KSR2: variants seen among roughly 807,000 people sequenced by gnomAD.
KSR2 encodes the protein kinase suppressor of ras 2.
Under a neutral mutation model 107.8 loss-of-function variants are expected in KSR2, and 25 were observed. That is an observed-to-expected ratio of 0.23 (90% CI 0.17 to 0.32). KSR2 has a LOEUF of 0.32. KSR2 is among the 10% of genes least tolerant of loss of function. The pLI is 1.00. For synonymous variants in KSR2, 480 were observed against 507.0 expected, an observed-to-expected ratio of 0.95 and a Z score of 0.71; for missense variants, 887 against 1,268.9, an observed-to-expected ratio of 0.70 and a Z score of 4.57.
chr12:117,832,663 C>T (rs1168758611), intron 3 of KSR2, among the ~76,000 whole-genome samples: 4 of 152,192 alleles, frequency 2.6e-5, no homozygotes, highest in Non-Finnish European at 5.9e-5. Context: ...TCCAATCTGC[C>T]CTTTCCAGAG....
chr12:117,816,541 AGTC>A (rs1217191503), intron 3 of KSR2, among the ~76,000 whole-genome samples: 1 of 152,210 alleles, frequency 6.6e-6, no homozygotes, highest in Non-Finnish European at 1.5e-5. Context: ...GTCTTTTCTT[AGTC>A]ATCATAGAAC....
chr12:117,572,867 T>A (rs1170897039), intron 7 of KSR2, among the ~76,000 whole-genome samples: 1 of 152,112 alleles, frequency 6.6e-6, no homozygotes, highest in Non-Finnish European at 1.5e-5. Context: ...CAGAAATTTG[T>A]GGAAGGACCC....
intron 1 of KSR2, among the ~76,000 whole-genome samples, chr12:117,964,982 G>A (rs901833194): frequency 1.3e-5 from 2 of 152,196 alleles, no homozygotes; most frequent in Non-Finnish European, 2.9e-5. Context: ...GCATGGAGTG[G>A]CAACATGTCA....
chr12:117,882,827 AT>A (rs1255884686), intron 1 of KSR2, among the ~76,000 whole-genome samples: 7 of 151,742 alleles, frequency 4.6e-5, no homozygotes, highest in African/African-American at 1.5e-4. Flanking sequence ...CCATCCATCT[AT>A]TCATTTATTC....
In KSR2 at chr12:117,963,365, C is replaced by A. The variant is rs1198551249; in HGVS notation, c.180+4711G>T. Reference sequence around the variant, plus strand: ...CCAGCCCCTGCCGTAGGCTGCCATCCAAGGCAGGCGAATCACTTGAGCCCA... The same window carrying A: ...CCAGCCCCTGCCGTAGGCTGCCATCAAAGGCAGGCGAATCACTTGAGCCCA... On this transcript the variant is annotated intron_variant, in intron 1 of 19. Coordinates refer to ENST00000339824, the MANE Select transcript of KSR2 (RefSeq NM_173598.6). Among the ~76,000 whole-genome samples, 7 of 152,122 alleles carry A rather than the reference C, an allele frequency of 4.6e-5. No individual in the cohort carries two copies. The East Asian group carries it at 1.4e-3, about 29-fold the overall frequency.
chr12:117,697,373 G>GT (rs1225161000), intron 4 of KSR2, among the ~76,000 whole-genome samples: 3 of 152,176 alleles, frequency 2.0e-5, no homozygotes, highest in Admixed American at 6.5e-5. Flanking sequence ...GGTTACAGAG[G>GT]TATGTTTATT....
intron 4 of KSR2, among the ~76,000 whole-genome samples, chr12:117,671,087 C>A (rs1297766294): frequency 2.6e-5 from 4 of 152,186 alleles, no homozygotes; most frequent in African/African-American, 7.2e-5. Flanking sequence ...GGCCTTCTCA[C>A]TCTTTGTATA....
intron 1 of KSR2, among the ~76,000 whole-genome samples, chr12:117,950,266 G>A (rs1896320766): frequency 6.6e-6 from 1 of 152,056 alleles, no homozygotes; most frequent in African/African-American, 2.4e-5. Context: ...GAGCTACTGC[G>A]CCTGGCCTGC....
rs35125662 is a variant in KSR2 at position 117,943,500 on chromosome 12, CAAAAAAAAAAAAAAA to C, written c.180+24561_180+24575del. On this transcript the variant is annotated intron_variant, in intron 1 of 19. Coordinates refer to ENST00000339824, the MANE Select transcript of KSR2 (RefSeq NM_173598.6). Reference sequence around the variant, plus strand: ...CCTTATGTGTCCTTATCCACCTAGCCAAAAAAAAAAAAAAAAAAAAAAAAAAACCTCATAGCAGAA... The same window carrying C: ...CCTTATGTGTCCTTATCCACCTAGCCAAAAAAAAAAAACCTCATAGCAGAA... 1.2e-3 allele frequency among the ~76,000 whole-genome samples: 62 copies of C among 52,948 alleles called. 1 individual carries two copies. Among genetic ancestry groups the C allele is most frequent in the Admixed American group, 4.0e-3 (16 of 4,014 alleles). The allele number at this position is 52,948 out of a possible 152,430, so 34.7% of individuals were successfully genotyped here. A position where few individuals can be genotyped will look rare whatever the true frequency, so the allele number is the denominator to read the frequency against.
chr12:117,951,714 G>C (rs1896369369), intron 1 of KSR2, among the ~76,000 whole-genome samples: 2 of 152,264 alleles, frequency 1.3e-5, no homozygotes, highest in East Asian at 1.9e-4. Context: ...CTACCTGCTA[G>C]GTTCCAGATC....
chr12:117,811,664 T>C (rs753813449), intron 3 of KSR2, among the ~76,000 whole-genome samples: 2 of 152,120 alleles, frequency 1.3e-5, no homozygotes, highest in Admixed American at 1.3e-4. Flanking sequence ...TGTAAGAAAT[T>C]AGTGAGATAA....
intron 1 of KSR2, among the ~76,000 whole-genome samples, chr12:117,867,232 C>T (rs961679308): frequency 6.6e-6 from 1 of 152,168 alleles, no homozygotes; most frequent in East Asian, 1.9e-4. Context: ...GGGAGGATGG[C>T]TTGAGCCTGG....
At position 117,911,184 on chromosome 12, in the gene KSR2, A is replaced by T. The variant is rs1038685210; in HGVS notation, c.181-50753T>A. On this transcript the variant is annotated intron_variant, in intron 1 of 19. Transcript: ENST00000339824. ...CTCTCTCTCTCTCTCTCACACACAC[A>T]CACACACACACACACTCAAGAAACA... 3.9e-5 allele frequency among the ~76,000 whole-genome samples: 6 copies of T among 151,916 alleles called. No individual in the cohort carries two copies. The East Asian group carries it at 9.7e-4, about 24-fold the overall frequency.
intron 6 of KSR2, among the ~76,000 whole-genome samples, chr12:117,581,460 T>C (rs1879660132): frequency 6.6e-6 from 1 of 152,140 alleles, no homozygotes; most frequent in Non-Finnish European, 1.5e-5. Flanking sequence ...GCCCTGGTGC[T>C]AGGAAAACTC....
chr12:117,822,048 G>C (rs895718302), intron 3 of KSR2, among the ~76,000 whole-genome samples: 1 of 152,168 alleles, frequency 6.6e-6, no homozygotes, highest in African/African-American at 2.4e-5. Context: ...ATAGCAATGA[G>C]AGTGACCTCT....
At chr12:117,677,853 T>C (rs1028365804) in intron 4 of KSR2, among the ~76,000 whole-genome samples, 2 of 152,188 alleles carry the variant, frequency 1.3e-5, no homozygotes, top group African/African-American at 2.4e-5. Context: ...ATATTTTGGA[T>C]GAATGTACAA....
intron 5 of KSR2, among the ~76,000 whole-genome samples, chr12:117,637,543 CT>C (rs1237775344): frequency 1.3e-5 from 2 of 152,066 alleles, no homozygotes. Flanking sequence ...GGAGTATTTC[CT>C]AGATTGATAT....
At chr12:117,647,366 G>A (rs954025594) in intron 5 of KSR2, among the ~76,000 whole-genome samples, 1 of 152,124 alleles carries the variant, frequency 6.6e-6, no homozygotes, top group African/African-American at 2.4e-5. Context: ...GAAGAATTTG[G>A]CCTGAGATGA....
chr12:117,845,515 TTCAA>T (rs1030339242), intron 3 of KSR2, among the ~76,000 whole-genome samples: 3 of 152,174 alleles, frequency 2.0e-5, no homozygotes, highest in African/African-American at 7.2e-5. Flanking sequence ...ACCCCAGTTA[TTCAA>T]TCAAACAACA....
Sources: allele counts gnomAD v4.1 joint callset (sites outside exome capture counted in the v4.1 genomes callset), GRCh38; gene constraint gnomAD v4.1.1; transcripts MANE v1.5; gene names NCBI Gene and HGNC (gene_info 2026-07-23, HGNC 2026-07-21).